Variants in ZNF236 observed in about 807,000 individuals in gnomAD.
The protein encoded by ZNF236 is regulated by glucose.
ZNF236 carries 50 observed loss-of-function variants against 191.2 expected under a neutral mutation model. That is an observed-to-expected ratio of 0.26 (90% CI 0.21 to 0.33). ZNF236 has a LOEUF of 0.33. Among genes scored for constraint, ZNF236 ranks in the 10% least tolerant of loss-of-function variants. The pLI, the probability that ZNF236 is intolerant of heterozygous loss-of-function variation, is 1.00. For missense variants in ZNF236, 1,754 were observed against 2,374.5 expected (o/e 0.74, Z 5.43); for synonymous variants, 907 against 928.8 (o/e 0.98, Z 0.43).
intron 5 of ZNF236, 55 bp downstream of exon 5, chr18:76,871,880 G>A: frequency 6.2e-7 from 1 of 1,602,246 alleles, no homozygotes; most frequent in Middle Eastern, 1.7e-4. Context: ...GGGAAGAACA[G>A]GTGCCTTTTT....
rs1370190143 is a variant in ZNF236 at position 76,895,199 on chromosome 18, C to T, written c.1604C>T (p.Thr535Ile). Reference protein sequence around the residue: ...STLTAHIKTHTGIKAFKCQYC... With the variant: ...STLTAHIKTHIGIKAFKCQYC... ...CTGACAGCGCACATCAAGACGCACA[C>T]CGGCATCAAGGCGTTCAAGTGCCAG... Residue 535 changes from threonine (T) to isoleucine (I), a missense_variant, in exon 10 of 31, where the codon ACC (threonine) becomes ATC (isoleucine). By Grantham distance (89) the Thr-to-Ile change is moderately conservative. Transcript: ENST00000320610. The T allele has an allele frequency of 9.4e-6, 15 of 1,603,054 alleles. No homozygotes were observed. Among genetic ancestry groups the T allele is most frequent in the Non-Finnish European group, 1.3e-5 (15 of 1,179,972 alleles).
intron 5 of ZNF236, among the ~76,000 whole-genome samples, chr18:76,874,691 A>G (rs1254874361): frequency 1.3e-5 from 2 of 152,170 alleles, no homozygotes; most frequent in Non-Finnish European, 2.9e-5. Flanking sequence ...GACGATTTTG[A>G]GCAAAGGCCT....
chr18:76,951,444 CTTTCCT>C (rs1968406790), intron 27 of ZNF236, among the ~76,000 whole-genome samples: 2 of 152,196 alleles, frequency 1.3e-5, no homozygotes, highest in Admixed American at 6.5e-5. Context: ...AGGGTGGCTT[CTTTCCT>C]TAGTTCTCAT....
rs552498149 is a variant in ZNF236 at position 76,972,406 on chromosome 18, G to A, written c.*4067G>A. On this transcript the variant is annotated 3_prime_UTR_variant, in exon 31 of 31. Coordinates refer to ENST00000320610, the MANE Select transcript of ZNF236 (RefSeq NM_001306089.2). ...CCTCCTCAGACCCCCATGCACGGAT[G>A]AGCACATAGCTCACCCTCACCCTCA... Among the ~76,000 whole-genome samples, 24 of 152,116 alleles carry A rather than the reference G, an allele frequency of 1.6e-4. No individual in the cohort carries two copies. In the South Asian group the frequency reaches 4.8e-3, roughly 30 times the overall value.
intron 26 of ZNF236, among the ~76,000 whole-genome samples, chr18:76,937,622 C>T (rs1165467111): frequency 2.0e-5 from 3 of 152,164 alleles, no homozygotes; most frequent in East Asian, 1.9e-4. Flanking sequence ...TATCCTTCTA[C>T]ACCTTTATAT....
chr18:76,897,965 A>G (rs571205235), intron 10 of ZNF236: 3 of 152,360 alleles, frequency 2.0e-5, no homozygotes, highest in African/African-American at 7.2e-5. Flanking sequence ...GGAGCTAAGG[A>G]TATGCTGGGG....
chr18:76,913,980 C>G (rs1967288637), intron 18 of ZNF236, 82 bp downstream of exon 18: 1 of 1,456,866 alleles, frequency 6.9e-7, no homozygotes, highest in Non-Finnish European at 9.5e-7. Flanking sequence ...CCATTCAGTT[C>G]ACCCACTTAA....
chr18:76,835,985 G>T (rs1417494877), intron 1 of ZNF236, among the ~76,000 whole-genome samples: 1 of 151,938 alleles, frequency 6.6e-6, no homozygotes, highest in Admixed American at 6.6e-5. Flanking sequence ...TTGGCCCACT[G>T]CAACCTCCAC....
At chr18:76,890,376 G>T (rs934673290) in intron 9 of ZNF236, among the ~76,000 whole-genome samples, 1 of 152,108 alleles carries the variant, frequency 6.6e-6, no homozygotes, top group Admixed American at 6.6e-5. Flanking sequence ...AATTGACCCA[G>T]TACTATTGTC....
At chr18:76,914,151 C>CCT (rs1428501625) in intron 18 of ZNF236, among the ~76,000 whole-genome samples, 1 of 152,200 alleles carries the variant, frequency 6.6e-6, no homozygotes, top group Non-Finnish European at 1.5e-5. Flanking sequence ...CCAGTATCTA[C>CCT]CTCTGTCTTT....
At position 76,899,144 on chromosome 18, in the gene ZNF236, G is replaced by A. The variant is rs780130656; in HGVS notation, c.1816G>A (p.Ala606Thr). The change falls in exon 11 of 31, where the codon GCA becomes ACA. Residue 606 changes from alanine to threonine, a missense_variant. By Grantham distance (58) the Ala-to-Thr change is moderately conservative (BLOSUM62 0). Around this residue, in one of 5 missense-constraint regions of ZNF236, gnomAD observed 641 missense variants for 869.6 expected, o/e 0.74. Transcript: ENST00000320610. ...GAAAATGAGGCACCAGCGTAAACCT[G>A]CAAAGGTCCGTGTTGGCAAGACGAA... ...LRKMRHQRKPAKVRVGKTNIP... is the reference protein window; with the variant it reads ...LRKMRHQRKPTKVRVGKTNIP... 2.5e-6 allele frequency: 4 copies of A among 1,614,142 alleles called. 1 individual carries two copies. The South Asian group carries it at 4.4e-5, about 18-fold the overall frequency.
intron 7 of ZNF236, 103 bp downstream of exon 7, chr18:76,878,255 AT>A: frequency 1.8e-6 from 2 of 1,123,956 alleles, no homozygotes; most frequent in Non-Finnish European, 1.2e-6. Flanking sequence ...TGCTATGAAA[AT>A]TTTTTATATG....
rs527391891 is a variant in ZNF236 at position 76,912,418 on chromosome 18, C to T, written c.2909+71C>T. ...AACGGATGCTGCTGTGTGTTTGCCCCGCTCCAAGGGCTCTGCGATTTCATT... is the reference window on the plus strand; with the variant it reads ...AACGGATGCTGCTGTGTGTTTGCCCTGCTCCAAGGGCTCTGCGATTTCATT... On this transcript the variant is annotated intron_variant, in intron 17 of 30. Transcript: ENST00000320610. 6.7e-5 allele frequency: 73 copies of T among 1,084,904 alleles called. 1 individual carries two copies. Among genetic ancestry groups the T allele is most frequent in the South Asian group, 6.5e-4 (48 of 73,836 alleles). The allele number at this position is 1,084,904 out of a possible 1,614,324, so 67.2% of individuals were successfully genotyped here.
chr18:76,878,779 A>G (rs948518312), intron 7 of ZNF236, among the ~76,000 whole-genome samples: 2 of 152,216 alleles, frequency 1.3e-5, no homozygotes, highest in African/African-American at 4.8e-5. Context: ...ATAGTAGTAG[A>G]CATTAAATAC....
In ZNF236 at chr18:76,920,551, C is replaced by CAA. The variant is rs36013690; in HGVS notation, c.3557+506_3557+507dup. ...GGGCAACAAGAATGAAACTCCGTCT[C>CAA]AAAAAAAAAAAAAAGTCTGTTTTCT... is the stretch of plus-strand genomic sequence containing the variant. On this transcript the variant is annotated intron_variant, in intron 20 of 30. Transcript: ENST00000320610. 6.8e-3 allele frequency among the ~76,000 whole-genome samples: 962 copies of CAA among 141,944 alleles called. 10 individuals are homozygous for CAA. Among genetic ancestry groups the CAA allele is most frequent in the African/African-American group, 0.02 (761 of 38,616 alleles). The allele number at this position is 141,944 out of a possible 152,430, so 93.1% of individuals were successfully genotyped here.
At chr18:76,885,481 C>T (rs1261706022) in intron 9 of ZNF236, 1 of 154,822 alleles carries the variant, frequency 6.5e-6, no homozygotes, top group African/African-American at 2.4e-5. Flanking sequence ...AGACAGTAAC[C>T]AGCACTCATT....
chr18:76,932,903 C>G (rs564303516), intron 25 of ZNF236, among the ~76,000 whole-genome samples: 1 of 152,338 alleles, frequency 6.6e-6, no homozygotes, highest in Non-Finnish European at 1.5e-5. Context: ...GGGCTCTGCT[C>G]TAGCTGCCCG....
At chr18:76,843,378 G>C (rs1489587659) in intron 1 of ZNF236, among the ~76,000 whole-genome samples, 1 of 152,196 alleles carries the variant, frequency 6.6e-6, no homozygotes, top group African/African-American at 2.4e-5. Context: ...CCAGGATCCA[G>C]ACACTTCAGA....
intron 1 of ZNF236, among the ~76,000 whole-genome samples, chr18:76,823,129 C>G (rs1974911841): frequency 6.6e-6 from 1 of 151,592 alleles, no homozygotes; most frequent in African/African-American, 2.4e-5. Context: ...GCGCCCCCGC[C>G]CGACCCTGCG....
Sources: allele counts gnomAD v4.1 joint callset (sites outside exome capture counted in the v4.1 genomes callset), GRCh38; gene constraint gnomAD v4.1.1; regional missense constraint gnomAD v4.1.1; transcripts MANE v1.5; gene names NCBI Gene and HGNC (gene_info 2026-07-23, HGNC 2026-07-21).